The following ABTB3 variants were observed in gnomAD, a reference collection of about 807,000 sequenced individuals.
The protein encoded by ABTB3 is ankyrin repeat- and BTB/POZ domain-containing protein 3.
the ABTB3 span, among the ~76,000 whole-genome samples, chr12:107,396,946 A>C: frequency 1.3e-5 from 2 of 152,174 alleles, no homozygotes; most frequent in Admixed American, 6.5e-5. Context: ...ACTATGGGTG[A>C]TATTCTGCAA....
chr12:107,411,119 G>T, the ABTB3 span, among the ~76,000 whole-genome samples: 1 of 152,028 alleles, frequency 6.6e-6, no homozygotes, highest in African/African-American at 2.4e-5. Flanking sequence ...GGCCAACATG[G>T]CAAAACCCCG....
chr12:107,452,635 T>C, the ABTB3 span, among the ~76,000 whole-genome samples: 1 of 151,432 alleles, frequency 6.6e-6, no homozygotes. Context: ...AGGTCAGGAG[T>C]TCGTGATCAG....
the ABTB3 span, among the ~76,000 whole-genome samples, chr12:107,420,893 C>A: frequency 5.9e-5 from 9 of 152,162 alleles, no homozygotes; most frequent in African/African-American, 1.9e-4. Context: ...TTCTATTTTT[C>A]TTCCTGCCCC....
At chr12:107,422,002 A>G in the ABTB3 span, among the ~76,000 whole-genome samples, 1 of 152,188 alleles carries the variant, frequency 6.6e-6, no homozygotes, top group Non-Finnish European at 1.5e-5. Flanking sequence ...GGGAAGACAA[A>G]GTACAAAGAA....
the ABTB3 span, chr12:107,657,760 C>G: frequency 6.3e-7 from 1 of 1,596,584 alleles, no homozygotes; most frequent in East Asian, 2.2e-5. Flanking sequence ...CTTTCCAGTT[C>G]TCCTGCCGCA....
the ABTB3 span, among the ~76,000 whole-genome samples, chr12:107,575,501 TC>T: frequency 6.6e-6 from 1 of 152,000 alleles, no homozygotes; most frequent in Non-Finnish European, 1.5e-5. Flanking sequence ...AACACAAAAT[TC>T]TTCTCTTAAC....
chr12:107,578,717 G>A, the ABTB3 span, among the ~76,000 whole-genome samples: 23 of 152,320 alleles, frequency 1.5e-4, no homozygotes, highest in Middle Eastern at 3.4e-3. Flanking sequence ...TCAAGTCAGC[G>A]TGTGTTTATT....
the ABTB3 span, among the ~76,000 whole-genome samples, chr12:107,580,456 G>A: frequency 1.3e-5 from 2 of 152,336 alleles, no homozygotes; most frequent in African/African-American, 2.4e-5. Context: ...TAGCAGGCAG[G>A]GAACTTGAGG....
the ABTB3 span, among the ~76,000 whole-genome samples, chr12:107,497,680 C>T: frequency 6.2e-4 from 95 of 152,312 alleles, no homozygotes; most frequent in African/African-American, 2.1e-3. Context: ...AGGCATTTCT[C>T]GCAATCATTC....
the ABTB3 span, among the ~76,000 whole-genome samples, chr12:107,426,830 C>T: frequency 5.0e-3 from 764 of 152,258 alleles, 3 homozygotes; most frequent in Non-Finnish European, 6.9e-3. Flanking sequence ...CCTGGGGATT[C>T]TGTCCTCTTA....
At chr12:107,411,936 C>T in the ABTB3 span, among the ~76,000 whole-genome samples, 38 of 152,250 alleles carry the variant, frequency 2.5e-4, 1 homozygote, top group African/African-American at 9.1e-4. Flanking sequence ...CCTTTTATGG[C>T]CTGTGGCACC....
the ABTB3 span, among the ~76,000 whole-genome samples, chr12:107,387,078 A>G: frequency 6.6e-6 from 1 of 151,582 alleles, no homozygotes; most frequent in African/African-American, 2.4e-5. Flanking sequence ...CCTGGGTTCA[A>G]GTGATTCTCC....
At chr12:107,335,702 G>A in the ABTB3 span, among the ~76,000 whole-genome samples, 1 of 152,170 alleles carries the variant, frequency 6.6e-6, no homozygotes, top group Non-Finnish European at 1.5e-5. Context: ...GTGGATGTGT[G>A]CTTTGGCTTT....
the ABTB3 span, among the ~76,000 whole-genome samples, chr12:107,575,730 C>A: frequency 6.6e-6 from 1 of 152,216 alleles, no homozygotes; most frequent in East Asian, 1.9e-4. Context: ...TCTTGCCTTC[C>A]TTTGATAAAG....
At chr12:107,576,482 G>C in the ABTB3 span, among the ~76,000 whole-genome samples, 1 of 152,134 alleles carries the variant, frequency 6.6e-6, no homozygotes, top group Non-Finnish European at 1.5e-5. Context: ...GGTGTCTCTC[G>C]TGTCCTGATC....
the ABTB3 span, among the ~76,000 whole-genome samples, chr12:107,381,185 A>G: frequency 6.6e-6 from 1 of 151,902 alleles, no homozygotes; most frequent in South Asian, 2.1e-4. Context: ...TGTTTCCTCT[A>G]TTAGAAAGAT....
chr12:107,616,563 C>A, the ABTB3 span, among the ~76,000 whole-genome samples: 1 of 152,220 alleles, frequency 6.6e-6, no homozygotes, highest in African/African-American at 2.4e-5. Context: ...GTCCAGAAAC[C>A]TTAGCATTTG....
the ABTB3 span, among the ~76,000 whole-genome samples, chr12:107,559,955 CCT>C: frequency 6.6e-6 from 1 of 151,684 alleles, no homozygotes; most frequent in African/African-American, 2.4e-5. Flanking sequence ...ATTCTGCTAC[CCT>C]GAGGTAGCCA....
chr12:107,636,373 A>AG, the ABTB3 span, among the ~76,000 whole-genome samples: 6 of 152,318 alleles, frequency 3.9e-5, no homozygotes, highest in African/African-American at 1.4e-4. Context: ...TATTAAAGAT[A>AG]AAGGATTCTT....
Sources: gnomAD v4.1 joint callset for allele counts (sites outside exome capture counted in the v4.1 genomes callset) on GRCh38, gnomAD v4.1.1 for gene constraint, MANE v1.5 for transcripts, NCBI Gene and HGNC (gene_info 2026-07-23, HGNC 2026-07-21) for gene names.